SLC13A1: variants seen among roughly 807,000 people sequenced by gnomAD.
SLC13A1 encodes the protein solute carrier family 13 member 1.
A neutral mutation model predicts 70.0 loss-of-function variants in SLC13A1; 65 were observed. That is an observed-to-expected ratio of 0.93 (90% CI 0.76 to 1.14). SLC13A1 has a LOEUF of 1.14. Among genes scored for constraint, SLC13A1 ranks in the 50% most tolerant of loss-of-function variants. The pLI, the probability that SLC13A1 is intolerant of heterozygous loss-of-function variation, is 0.00. For synonymous variants in SLC13A1, 275 were observed against 250.5 expected (o/e 1.10, Z -0.92); for missense variants, 726 against 717.8 (o/e 1.01, Z -0.13).
At chr7:123,125,848 CA>C (rs1313971148) in intron 10 of SLC13A1, among the ~76,000 whole-genome samples, 173 bp from the exon 11 acceptor site, 3 of 152,166 alleles carry the variant, frequency 2.0e-5, no homozygotes, top group Non-Finnish European at 4.4e-5. Context: ...TTAAATGACA[CA>C]ACACTAAAAA....
At chr7:123,142,553 C>T (rs1255580798) in intron 7 of SLC13A1, among the ~76,000 whole-genome samples, 1 of 152,084 alleles carries the variant, frequency 6.6e-6, no homozygotes, top group Non-Finnish European at 1.5e-5. Flanking sequence ...CTGATTCTCA[C>T]CTGAAGCCAG....
chr7:123,131,927 T>TA (rs1409012192), intron 8 of SLC13A1, among the ~76,000 whole-genome samples: 14 of 152,216 alleles, frequency 9.2e-5, no homozygotes, highest in Non-Finnish European at 1.6e-4. Flanking sequence ...TGTGCCATTT[T>TA]AAAATAATGA....
chr7:123,114,704 T>C lies in SLC13A1; in HGVS notation c.*814A>G, dbSNP rs1469601195. ...TTACTCATATACGAAAATATGTTAA[T>C]AGTTTTATAGTGTTCAGCTTTCCTT... On this transcript the variant is annotated 3_prime_UTR_variant, in exon 15 of 15. Transcript: ENST00000194130. The C allele has an allele frequency of 1.3e-5, 2 of 152,190 alleles. No individual in the cohort carries two copies. The highest frequency in any genetic ancestry group is 1.3e-4 in the Admixed American group (2 of 15,286). The allele number at this position is 152,190 out of a possible 1,614,324, so 9.4% of individuals were successfully genotyped here.
intron 12 of SLC13A1, among the ~76,000 whole-genome samples, chr7:123,119,573 T>C (rs989063856): frequency 1.3e-5 from 2 of 152,020 alleles, no homozygotes; most frequent in Non-Finnish European, 2.9e-5. Flanking sequence ...CCCTTCTGAT[T>C]CACCTCTCTC....
chr7:123,189,231 CT>C (rs922558127), intron 1 of SLC13A1, among the ~76,000 whole-genome samples: 16 of 149,696 alleles, frequency 1.1e-4, no homozygotes, highest in Admixed American at 4.7e-4. Flanking sequence ...GAATCTAACA[CT>C]TTTTTTTTCT....
intron 6 of SLC13A1, among the ~76,000 whole-genome samples, chr7:123,165,912 T>C (rs998118201): frequency 6.6e-6 from 1 of 152,148 alleles, no homozygotes; most frequent in African/African-American, 2.4e-5. Flanking sequence ...ATCCTTTGTG[T>C]CAGGCAATGG....
intron 7 of SLC13A1, among the ~76,000 whole-genome samples, chr7:123,140,274 G>A (rs949206886): frequency 1.3e-5 from 2 of 151,972 alleles, no homozygotes; most frequent in South Asian, 2.1e-4. Flanking sequence ...TGCAACCCAG[G>A]GATAAATGCC....
At chr7:123,196,990 C>G (rs995338721) in intron 1 of SLC13A1, among the ~76,000 whole-genome samples, 1 of 152,118 alleles carries the variant, frequency 6.6e-6, no homozygotes, top group East Asian at 1.9e-4. Context: ...AAACGAGAAG[C>G]ACATTTGTAC....
At chr7:123,146,433 G>T in intron 7 of SLC13A1, among the ~76,000 whole-genome samples, 1 of 152,268 alleles carries the variant, frequency 6.6e-6, no homozygotes, top group Non-Finnish European at 1.5e-5. Context: ...GCTGAGGCAC[G>T]ACAATCACTT....
At chr7:123,182,522 C>T (rs538245656) in intron 1 of SLC13A1, among the ~76,000 whole-genome samples, 3 of 152,042 alleles carry the variant, frequency 2.0e-5, no homozygotes. Flanking sequence ...GGTCACTTTC[C>T]AAGAATCCAT....
At chr7:123,167,530 A>T (rs2116535334) in intron 6 of SLC13A1, among the ~76,000 whole-genome samples, 1 of 152,200 alleles carries the variant, frequency 6.6e-6, no homozygotes, top group African/African-American at 2.4e-5. Context: ...TATATGTCCC[A>T]CTTTCCTATT....
At chr7:123,116,393 G>A (rs1197502379) in intron 14 of SLC13A1, among the ~76,000 whole-genome samples, 1 of 152,216 alleles carries the variant, frequency 6.6e-6, no homozygotes, top group Non-Finnish European at 1.5e-5. Flanking sequence ...CAATGGCAGA[G>A]TTGAGTAGTT....
intron 6 of SLC13A1, among the ~76,000 whole-genome samples, chr7:123,166,629 G>C (rs142293600): frequency 0.011 from 1,685 of 152,118 alleles, 30 homozygotes; most frequent in African/African-American, 0.039. Context: ...CCATCTATGA[G>C]TGAGAACATG....
chr7:123,169,243 G>A lies in SLC13A1; in HGVS notation c.458C>T (p.Ala153Val). The change falls in exon 4 of 15, where the codon GCT becomes GTT. Residue 153 changes from alanine (A) to valine (V), a missense_variant. Physicochemically the swap from Ala to Val is moderately conservative, Grantham distance 64. Transcript: ENST00000194130. ...TGCATTGATGATCTGCTGCACTACAGCCTCCGCAATGGGCATCACCATGGC... is the reference window on the plus strand; with the variant it reads ...TGCATTGATGATCTGCTGCACTACAACCTCCGCAATGGGCATCACCATGGC... ...TAAMVMPIAEAVVQQIINAEA... is the reference protein window; with the variant it reads ...TAAMVMPIAEVVVQQIINAEA... 6.2e-7 allele frequency: 1 copy of A among 1,614,064 alleles called. No individual in the cohort carries two copies. The highest frequency in any genetic ancestry group is 1.7e-4 in the Middle Eastern group (1 of 6,048).
intron 1 of SLC13A1, among the ~76,000 whole-genome samples, chr7:123,185,742 C>T (rs1795776467): frequency 6.6e-6 from 1 of 151,890 alleles, no homozygotes; most frequent in African/African-American, 2.4e-5. Flanking sequence ...TCTTTTTGTT[C>T]AAGATTGCTC....
chr7:123,152,199 G>T (rs1304704220), intron 6 of SLC13A1, among the ~76,000 whole-genome samples: 1 of 152,018 alleles, frequency 6.6e-6, no homozygotes, highest in Non-Finnish European at 1.5e-5. Flanking sequence ...AACCATAAAA[G>T]GATTGTTACA....
chr7:123,123,387 C>A, intron 11 of SLC13A1, 152 bp from the exon 12 acceptor site: 1 of 578,530 alleles, frequency 1.7e-6, no homozygotes, highest in Non-Finnish European at 3.1e-6. Flanking sequence ...GAGTAATTTC[C>A]ACCTGGACTA....
chr7:123,171,130 T>G (rs1429343617), intron 3 of SLC13A1, among the ~76,000 whole-genome samples: 2 of 152,208 alleles, frequency 1.3e-5, no homozygotes, highest in East Asian at 1.9e-4. Context: ...ATGCAAATGA[T>G]TATGACACTG....
intron 2 of SLC13A1, among the ~76,000 whole-genome samples, chr7:123,173,867 C>T (rs965928446): frequency 6.6e-6 from 1 of 151,998 alleles, no homozygotes; most frequent in East Asian, 1.9e-4. Flanking sequence ...CAATTTTCTA[C>T]ACTCTGTCCT....
Sources: gnomAD v4.1 joint callset for allele counts (sites outside exome capture counted in the v4.1 genomes callset) on GRCh38, gnomAD v4.1.1 for gene constraint, MANE v1.5 for transcripts, NCBI Gene and HGNC (gene_info 2026-07-23, HGNC 2026-07-21) for gene names.